The following ZNF536 variants were observed in gnomAD, a reference collection of about 807,000 sequenced individuals.
ZNF536 encodes the protein zinc finger protein 536.
Under a neutral mutation model 84.5 loss-of-function variants are expected in ZNF536, and 13 were observed. That is an observed-to-expected ratio of 0.15 (90% confidence interval 0.10 to 0.24). The LOEUF is 0.24. Ranked by LOEUF, ZNF536 falls within the 10% of genes least tolerant of loss-of-function variation. The pLI is 1.00. For synonymous variants in ZNF536, 811 were observed against 742.5 expected (o/e 1.09, Z -1.50); for missense variants, 1,536 against 1,747.5 (o/e 0.88, Z 2.16).
chr19:30,324,645 G>T (rs765395493), intron 2 of ZNF536, among the ~76,000 whole-genome samples: 1 of 152,118 alleles, frequency 6.6e-6, no homozygotes, highest in Non-Finnish European at 1.5e-5. Context: ...TCTTACCTTG[G>T]TCTCCCAAAG....
At chr19:30,282,002 G>C (rs996345163) in intron 1 of ZNF536, among the ~76,000 whole-genome samples, 1 of 152,190 alleles carries the variant, frequency 6.6e-6, no homozygotes, top group Non-Finnish European at 1.5e-5. Context: ...TGCACCAAAA[G>C]AGCTGTTTCT....
intron 1 of ZNF536, among the ~76,000 whole-genome samples, chr19:30,234,773 A>ACGCGCGCG (rs1491175526): frequency 1.3e-4 from 20 of 149,996 alleles, no homozygotes; most frequent in African/African-American, 4.9e-4. Context: ...ACACACACAC[A>ACGCGCGCG]CGCGCACACG....
At chr19:30,472,697 A>G (rs3786803) in intron 2 of ZNF536, among the ~76,000 whole-genome samples, 15,597 of 152,178 alleles carry the variant, frequency 0.1, 1,014 homozygotes, top group South Asian at 0.19. Flanking sequence ...CTTGACTAAT[A>G]TGAAATCATC....
intron 1 of ZNF536, among the ~76,000 whole-genome samples, chr19:30,429,100 A>G (rs1305509326): frequency 1.3e-5 from 2 of 152,162 alleles, no homozygotes; most frequent in Non-Finnish European, 2.9e-5. Context: ...CTATAGAGGG[A>G]GGATCCAGGC....
chr19:30,459,552 T>C (rs2053037209), intron 2 of ZNF536, among the ~76,000 whole-genome samples: 1 of 152,050 alleles, frequency 6.6e-6, no homozygotes, highest in Non-Finnish European at 1.5e-5. Flanking sequence ...GGTTTCACCA[T>C]ATTGGCCAGG....
chr19:30,346,017 A>G (rs1039802768), intron 2 of ZNF536, among the ~76,000 whole-genome samples: 2 of 152,232 alleles, frequency 1.3e-5, no homozygotes, highest in Admixed American at 1.3e-4. Flanking sequence ...TGCACCCCAG[A>G]TGACTACCAG....
intron 1 of ZNF536, among the ~76,000 whole-genome samples, chr19:30,676,668 A>G: frequency 6.6e-6 from 1 of 152,266 alleles, no homozygotes; most frequent in East Asian, 1.9e-4. Context: ...ATTCCAATTT[A>G]GAAACAGTAC....
intron 1 of ZNF536, among the ~76,000 whole-genome samples, chr19:30,426,022 G>A (rs1440583936): frequency 6.6e-6 from 1 of 152,220 alleles, no homozygotes; most frequent in Non-Finnish European, 1.5e-5. Context: ...TCCCAGCAGA[G>A]CAGTGGTGGG....
At chr19:30,312,297 C>A (rs534531150) in intron 2 of ZNF536, among the ~76,000 whole-genome samples, 4 of 151,724 alleles carry the variant, frequency 2.6e-5, no homozygotes, top group Non-Finnish European at 5.9e-5. Context: ...ACAGAGGGGG[C>A]GGGGATGGAA....
intron 3 of ZNF536, among the ~76,000 whole-genome samples, chr19:30,361,861 C>T (rs913323914): frequency 2.0e-5 from 3 of 152,300 alleles, no homozygotes; most frequent in South Asian, 2.1e-4. Context: ...GGGTCCACTC[C>T]GCTGTGACTT....
At chr19:30,314,648 G>A (rs1393872379) in intron 2 of ZNF536, among the ~76,000 whole-genome samples, 1 of 152,090 alleles carries the variant, frequency 6.6e-6, no homozygotes, top group Non-Finnish European at 1.5e-5. Flanking sequence ...TTTCCCTGTG[G>A]GCCTGTGCTC....
chr19:30,481,830 C>CTCACCACCT (rs1393697567), intron 2 of ZNF536, among the ~76,000 whole-genome samples: 15 of 152,120 alleles, frequency 9.9e-5, no homozygotes, highest in African/African-American at 3.1e-4. Context: ...CCCTCCCGCC[C>CTCACCACCT]TCACCACCTC....
chr19:30,448,841 A>G (rs117248546), intron 2 of ZNF536, among the ~76,000 whole-genome samples: 1,606 of 152,324 alleles, frequency 0.011, 24 homozygotes, highest in Non-Finnish European at 0.012. Flanking sequence ...CTGTTTAAAA[A>G]TGTCTTGCTC....
chr19:30,565,092 G>C (rs1429284795), intron 1 of ZNF536, among the ~76,000 whole-genome samples: 4 of 152,140 alleles, frequency 2.6e-5, no homozygotes, highest in Non-Finnish European at 5.9e-5. Flanking sequence ...CTCAAACGAG[G>C]GTGACCATCT....
chr19:30,517,573 G>C (rs1432454083), intron 2 of ZNF536, among the ~76,000 whole-genome samples: 1 of 152,150 alleles, frequency 6.6e-6, no homozygotes, highest in African/African-American at 2.4e-5. Flanking sequence ...ATTTGTATAT[G>C]TTAAAAACAA....
At chr19:30,507,253 T>C (rs1022340533) in intron 2 of ZNF536, among the ~76,000 whole-genome samples, 2 of 152,134 alleles carry the variant, frequency 1.3e-5, no homozygotes, top group Admixed American at 6.5e-5. Flanking sequence ...TCCCAGTTAC[T>C]TGGGAGGCTG....
intron 2 of ZNF536, among the ~76,000 whole-genome samples, chr19:30,456,509 G>A (rs1020950377): frequency 1.1e-4 from 17 of 151,996 alleles, no homozygotes; most frequent in Admixed American, 3.3e-4. Flanking sequence ...GCTCTAGACT[G>A]TTTGTTTTAC....
At chr19:30,342,784 T>C (rs2047604370) in intron 2 of ZNF536, among the ~76,000 whole-genome samples, 1 of 152,256 alleles carries the variant, frequency 6.6e-6, no homozygotes, top group Non-Finnish European at 1.5e-5. Context: ...TCCAACTTTA[T>C]TGGCAGCTTA....
chr19:30,520,379 G>C (rs1289706384), intron 2 of ZNF536, among the ~76,000 whole-genome samples: 2 of 152,132 alleles, frequency 1.3e-5, no homozygotes, highest in Non-Finnish European at 2.9e-5. Context: ...TGAATGGGGA[G>C]CTCTTTGGAG....
Sources: allele counts gnomAD v4.1 joint callset (sites outside exome capture counted in the v4.1 genomes callset), GRCh38; gene constraint gnomAD v4.1.1; transcripts MANE v1.5; gene names NCBI Gene and HGNC (gene_info 2026-07-23, HGNC 2026-07-21).